Variants in GSK3B observed in about 807,000 individuals in gnomAD.
GSK3B encodes glycogen synthase kinase 3 beta, also known as glycogen synthase kinase-3 beta.
A neutral mutation model predicts 56.4 loss-of-function variants in GSK3B; 15 were observed. The ratio of observed to expected loss-of-function variants is 0.27; its 90% confidence interval spans 0.18 to 0.41. GSK3B has a LOEUF of 0.41. GSK3B is among the 10% of genes least tolerant of loss of function. The probability of loss-of-function intolerance (pLI) is 1.00; values close to 1 mark genes in which losing one functional copy is unlikely to be tolerated. For missense variants in GSK3B, 300 were observed against 513.4 expected (o/e 0.58, Z 4.02); for synonymous variants, 181 against 188.9 (o/e 0.96, Z 0.34).
At chr3:119,879,188 T>A (rs552846845) in intron 7 of GSK3B, among the ~76,000 whole-genome samples, 1 of 152,292 alleles carries the variant, frequency 6.6e-6, no homozygotes, top group African/African-American at 2.4e-5. Flanking sequence ...TTATTTATAT[T>A]TATTTATTTA....
In GSK3B at chr3:119,822,397, C is replaced by T. The variant is rs1362853560; in HGVS notation, c.*4391G>A. On this transcript the variant is annotated 3_prime_UTR_variant, in exon 11 of 11. Coordinates refer to ENST00000264235, the MANE Select transcript of GSK3B (RefSeq NM_001146156.2). ...TTTTACAGGCAAGCAGATTTTCATA[C>T]AACTATCTGTATCTGCCTGTAGACA... The T allele has an allele frequency of 9.2e-6, 2 of 216,844 alleles. No homozygotes were observed. Among genetic ancestry groups the T allele is most frequent in the East Asian group, 1.4e-4 (2 of 14,552 alleles). The allele number at this position is 216,844 out of a possible 1,614,324, so 13.4% of individuals were successfully genotyped here. A position where few individuals can be genotyped will look rare whatever the true frequency, so the allele number is the denominator to read the frequency against.
At chr3:120,065,310 A>G (rs2107557302) in intron 1 of GSK3B, among the ~76,000 whole-genome samples, 1 of 152,266 alleles carries the variant, frequency 6.6e-6, no homozygotes, top group East Asian at 1.9e-4. Flanking sequence ...ACTTACATAA[A>G]CATTTCTCCA....
At chr3:120,072,576 C>G (rs2058335588) in intron 1 of GSK3B, among the ~76,000 whole-genome samples, 1 of 151,956 alleles carries the variant, frequency 6.6e-6, no homozygotes, top group African/African-American at 2.4e-5. Context: ...AAGACTCAGT[C>G]TCAAAAAAAT....
chr3:119,904,303 GA>G (rs2056660272), intron 7 of GSK3B, among the ~76,000 whole-genome samples: 1 of 151,970 alleles, frequency 6.6e-6, no homozygotes, highest in Admixed American at 6.6e-5. Context: ...TAGGCTTTTA[GA>G]AAATAAAGAA....
intron 1 of GSK3B, among the ~76,000 whole-genome samples, chr3:120,079,499 A>G (rs2058399085): frequency 6.6e-6 from 1 of 151,994 alleles, no homozygotes; most frequent in Admixed American, 6.6e-5. Context: ...GGTCCAAACG[A>G]TTCTCCTGCC....
At chr3:120,065,532 A>G (rs2058271140) in intron 1 of GSK3B, among the ~76,000 whole-genome samples, 1 of 152,206 alleles carries the variant, frequency 6.6e-6, no homozygotes, top group African/African-American at 2.4e-5. Flanking sequence ...GAAATGGTGC[A>G]GCCATTATGG....
Position 119,877,981 on chromosome 3 carries a change from T to TAGA in GSK3B, c.814-1476_814-1474dup, listed in dbSNP as rs201231153. Among the ~76,000 whole-genome samples, 252 of 152,234 alleles carry TAGA rather than the reference T, an allele frequency of 1.7e-3. 2 individuals carry two copies. Among genetic ancestry groups the TAGA allele is most frequent in the Admixed American group, 7.5e-3 (115 of 15,288 alleles). On this transcript the variant is annotated intron_variant, in intron 7 of 10. Coordinates refer to ENST00000264235, the MANE Select transcript of GSK3B (RefSeq NM_001146156.2). Reference sequence around the variant, plus strand: ...CAGTTCAAGAATAACTGCACAGAAGTAGAAGAATGTAATGGTAAGTACTAG... The same window carrying TAGA: ...CAGTTCAAGAATAACTGCACAGAAGTAGAAGAAGAATGTAATGGTAAGTACTAG...
At chr3:119,864,528 G>A (rs1321682385) in intron 8 of GSK3B, among the ~76,000 whole-genome samples, 1 of 152,128 alleles carries the variant, frequency 6.6e-6, no homozygotes, top group Non-Finnish European at 1.5e-5. Flanking sequence ...TATATCCCTC[G>A]ACAGGAAGAA....
chr3:120,083,416 G>A (rs1312811568), intron 1 of GSK3B, among the ~76,000 whole-genome samples: 1 of 152,002 alleles, frequency 6.6e-6, no homozygotes, highest in African/African-American at 2.4e-5. Context: ...GAAAAGAAAG[G>A]GGCAGGAGGC....
At chr3:119,913,678 G>C (rs1476107455) in intron 5 of GSK3B, among the ~76,000 whole-genome samples, 4 of 151,660 alleles carry the variant, frequency 2.6e-5, no homozygotes, top group Non-Finnish European at 4.4e-5. Context: ...AAAAGTAAAG[G>C]TACTGGAAAA....
intron 1 of GSK3B, among the ~76,000 whole-genome samples, chr3:120,039,310 C>G (rs1001048612): frequency 6.6e-6 from 1 of 152,204 alleles, no homozygotes; most frequent in African/African-American, 2.4e-5. Context: ...TAAATGTAGT[C>G]TTACCACACA....
rs71156775 is a variant in GSK3B, at chr3:119,822,243, TTATATA to T, written c.*4539_*4544del. On this transcript the variant is annotated 3_prime_UTR_variant, in exon 11 of 11. Transcript: ENST00000264235. ...TAGTTTGTATACAACCCACAGTCCT[TTATATA>T]TATATATATATATATATAATAAATT... 1.3e-4 allele frequency: 20 copies of T among 158,566 alleles called. No homozygotes were observed. Among genetic ancestry groups the T allele is most frequent in the South Asian group, 2.2e-4 (1 of 4,574 alleles). The allele number at this position is 158,566 out of a possible 1,614,324, so 9.8% of individuals were successfully genotyped here. A position where few individuals can be genotyped will look rare whatever the true frequency, so the allele number is the denominator to read the frequency against.
chr3:120,002,157 T>G lies in GSK3B; in HGVS notation c.171A>C (p.Thr57=). The part of the protein sequence containing the change: ...GPDRPQEVSY[T]DTKVIGNGSF... Reference sequence around the variant, plus strand: ...ATCCATTTCCAATCACTTTAGTGTCTGTATAGCTGACTTCTTGTGGCCTGT... The same window carrying G: ...ATCCATTTCCAATCACTTTAGTGTCGGTATAGCTGACTTCTTGTGGCCTGT... Residue 57 remains threonine, a synonymous_variant, in exon 2 of 11, where the codon ACA becomes ACC. Transcript: ENST00000264235. 1 of 1,611,230 alleles carries G rather than the reference T, an allele frequency of 6.2e-7. No homozygotes were observed. Among genetic ancestry groups the G allele is most frequent in the African/African-American group, 1.3e-5 (1 of 74,794 alleles).
At chr3:119,845,569 A>G (rs1253235903) in intron 9 of GSK3B, among the ~76,000 whole-genome samples, 1 of 152,196 alleles carries the variant, frequency 6.6e-6, no homozygotes, top group Admixed American at 6.5e-5. Flanking sequence ...AATTGCTACA[A>G]AAAGAATAAA....
rs147376511 is a variant in GSK3B at position 119,932,390 on chromosome 3, G to A, written c.367-8907C>T. 2.2e-4 allele frequency among the ~76,000 whole-genome samples: 34 copies of A among 152,048 alleles called. No homozygotes were observed. The East Asian group carries it at 6.6e-3, about 29-fold the overall frequency. On this transcript the variant is annotated intron_variant, in intron 3 of 10. Transcript: ENST00000264235. ...TAGGTAAGAGAATACCTTTTTGCTT[G>A]AGAGGCTGTGGGAAGGAAATGGGAA...
rs760010153 is a variant in GSK3B, at chr3:119,932,505, T to G, written c.367-9022A>C. On this transcript the variant is annotated intron_variant, in intron 3 of 10. Coordinates refer to ENST00000264235, the MANE Select transcript of GSK3B (RefSeq NM_001146156.2). ...AATAAACACCAAAATTACCAAAGGG[T>G]TTTTTTTTTTTTTTAGAAAAATAAT... Among the ~76,000 whole-genome samples the G allele has an allele frequency of 2.8e-3, 308 of 109,546 alleles. 2 individuals carry two copies. The highest frequency in any genetic ancestry group is 2.7e-3 in the Non-Finnish European group (128 of 48,062). The allele number at this position is 109,546 out of a possible 152,430, so 71.9% of individuals were successfully genotyped here.
chr3:119,896,109 C>G (rs1471108549), intron 7 of GSK3B, among the ~76,000 whole-genome samples: 2 of 143,868 alleles, frequency 1.4e-5, no homozygotes, highest in Non-Finnish European at 3.0e-5. Context: ...GCCTGGGTGA[C>G]AGAGCGAGAC....
At chr3:120,063,833 CA>C (rs1453032843) in intron 1 of GSK3B, among the ~76,000 whole-genome samples, 1 of 149,722 alleles carries the variant, frequency 6.7e-6, no homozygotes, top group East Asian at 2.0e-4. Flanking sequence ...ACCAAAAATA[CA>C]AAAATTAGCT....
chr3:119,958,026 A>G (rs2057231141), intron 2 of GSK3B, among the ~76,000 whole-genome samples: 1 of 152,094 alleles, frequency 6.6e-6, no homozygotes, highest in African/African-American at 2.4e-5. Context: ...GCGAGGACCT[A>G]TACCCCCCCA....
Sources: gnomAD v4.1 joint callset for allele counts (sites outside exome capture counted in the v4.1 genomes callset) on GRCh38, gnomAD v4.1.1 for gene constraint, MANE v1.5 for transcripts, NCBI Gene and HGNC (gene_info 2026-07-23, HGNC 2026-07-21) for gene names.